Variants in UCK2 observed in about 807,000 individuals in gnomAD.
UCK2 encodes cytidine monophosphokinase 2.
In UCK2, 6 loss-of-function variants were observed where a neutral mutation model predicts 30.8. That is an observed-to-expected ratio of 0.19 (90% CI 0.11 to 0.38). The LOEUF (loss-of-function observed/expected upper bound fraction) is 0.38, where lower values mean the gene tolerates loss of function less well. UCK2 is among the 10% of genes least tolerant of loss of function. The pLI, the probability that UCK2 is intolerant of heterozygous loss-of-function variation, is 1.00. For missense variants in UCK2, 210 were observed against 339.8 expected, an observed-to-expected ratio of 0.62 and a Z score of 3.00; for synonymous variants, 125 against 133.6, an observed-to-expected ratio of 0.94 and a Z score of 0.45.
At chr1:165,835,061 T>G (rs1253526967) in intron 1 of UCK2, among the ~76,000 whole-genome samples, 6 of 152,174 alleles carry the variant, frequency 3.9e-5, no homozygotes, top group Admixed American at 1.3e-4. Context: ...TCAGCTAGCA[T>G]GCTCTGCTTT....
At chr1:165,870,524 C>T (rs1242570955) in intron 1 of UCK2, among the ~76,000 whole-genome samples, 1 of 151,902 alleles carries the variant, frequency 6.6e-6, no homozygotes, top group African/African-American at 2.4e-5. Flanking sequence ...GATACTTCTG[C>T]TCACAGGAGT....
chr1:165,873,535 T>G (rs909051768), intron 1 of UCK2, among the ~76,000 whole-genome samples: 9 of 152,234 alleles, frequency 5.9e-5, no homozygotes, highest in Non-Finnish European at 8.8e-5. Context: ...CATTTCTGTG[T>G]GATTCTTTAT....
intron 4 of UCK2, chr1:165,897,940 C>T (rs1049900216): frequency 2.6e-5 from 4 of 152,180 alleles, no homozygotes; most frequent in Admixed American, 6.5e-5. Context: ...GACACCCCGG[C>T]TTGGGTTTCT....
At chr1:165,869,360 G>A (rs1258194068) in intron 1 of UCK2, among the ~76,000 whole-genome samples, 9 of 142,484 alleles carry the variant, frequency 6.3e-5, no homozygotes, top group East Asian at 1.9e-4. Flanking sequence ...TAAAAAAAAC[G>A]TAGTATCTGT....
In UCK2 at chr1:165,909,961, A is replaced by G. The variant is rs1181090004; in HGVS notation, c.*2138A>G. ...TTTATCCCACTGCCTTGGAAGATGG[A>G]CTCCTCTCATCTCTGAGCCTTTACC... On this transcript the variant is annotated 3_prime_UTR_variant, in exon 7 of 7. Coordinates refer to ENST00000367879, the MANE Select transcript of UCK2 (RefSeq NM_012474.5). 6.6e-6 allele frequency: 1 copy of G among 151,982 alleles called. No individual in the cohort carries two copies. 9.4% of individuals were successfully genotyped at this position (151,982 alleles called of 1,614,324 possible).
At chr1:165,887,652 C>T (rs1022406453) in intron 1 of UCK2, among the ~76,000 whole-genome samples, 8 of 152,106 alleles carry the variant, frequency 5.3e-5, no homozygotes, top group Non-Finnish European at 1.2e-4. Flanking sequence ...CAGACTTTAT[C>T]TTCCTACAAC....
intron 1 of UCK2, among the ~76,000 whole-genome samples, chr1:165,852,852 T>A (rs187844035): frequency 1.4e-4 from 22 of 152,328 alleles, no homozygotes; most frequent in African/African-American, 4.8e-4. Flanking sequence ...ATGGGAAGTG[T>A]TGCCACAGCT....
intron 1 of UCK2, among the ~76,000 whole-genome samples, chr1:165,871,459 G>C (rs1372056268): frequency 6.6e-6 from 1 of 152,134 alleles, no homozygotes; most frequent in Non-Finnish European, 1.5e-5. Flanking sequence ...GGACACAGCT[G>C]CAGGTCTTTT....
intron 1 of UCK2, among the ~76,000 whole-genome samples, chr1:165,839,752 A>G (rs1006516204): frequency 6.6e-6 from 1 of 152,142 alleles, no homozygotes. Context: ...CTATTCCTAC[A>G]TCTGTGAAAA....
At chr1:165,907,382 G>A (rs1053981578) in intron 6 of UCK2, among the ~76,000 whole-genome samples, 2 of 152,122 alleles carry the variant, frequency 1.3e-5, no homozygotes, top group Non-Finnish European at 2.9e-5. Context: ...GCAGACTTTG[G>A]CCCGAGTGCT....
At chr1:165,865,159 A>G (rs1032905999) in intron 1 of UCK2, among the ~76,000 whole-genome samples, 2 of 152,244 alleles carry the variant, frequency 1.3e-5, no homozygotes, top group Non-Finnish European at 2.9e-5. Flanking sequence ...ATTGGTGACC[A>G]TGTAGTTTGT....
intron 1 of UCK2, among the ~76,000 whole-genome samples, chr1:165,829,435 C>T (rs1253220101): frequency 6.6e-6 from 1 of 152,174 alleles, no homozygotes; most frequent in Non-Finnish European, 1.5e-5. Context: ...TTGTTCATGG[C>T]TGTTTTCCCA....
At chr1:165,907,158 T>C (rs1019305374) in intron 6 of UCK2, among the ~76,000 whole-genome samples, 6 of 152,248 alleles carry the variant, frequency 3.9e-5, no homozygotes, top group African/African-American at 1.4e-4. Flanking sequence ...TTGATGTGTA[T>C]TCCATTTTTG....
intron 1 of UCK2, among the ~76,000 whole-genome samples, chr1:165,859,212 G>A (rs1654827069): frequency 6.6e-6 from 1 of 152,110 alleles, no homozygotes. Context: ...TCCCCCTGCG[G>A]AGGAGGCTGC....
In UCK2 at chr1:165,827,955, G is replaced by A. The variant is rs769786633; in HGVS notation, c.99+23G>A. Reference sequence around the variant, plus strand: ...AAGGTACGGCGGGGCCCGGAGCCGCGCTCCCTTCCCGGCTTCTGTCCCTGG... The same window carrying A: ...AAGGTACGGCGGGGCCCGGAGCCGCACTCCCTTCCCGGCTTCTGTCCCTGG... On this transcript the variant is annotated intron_variant, in intron 1 of 6. Coordinates refer to ENST00000367879, the MANE Select transcript of UCK2 (RefSeq NM_012474.5). 9.9e-6 allele frequency: 13 copies of A among 1,317,870 alleles called. No individual in the cohort carries two copies. The African/African-American group carries it at 1.4e-4, about 14-fold the overall frequency. The allele number at this position is 1,317,870 out of a possible 1,614,324, so 81.6% of individuals were successfully genotyped here.
intron 3 of UCK2, among the ~76,000 whole-genome samples, chr1:165,893,509 T>A (rs1655819780): frequency 2.0e-5 from 3 of 152,206 alleles, no homozygotes; most frequent in African/African-American, 7.2e-5. Flanking sequence ...GGGCGTTTGG[T>A]ACAAACAAAA....
At position 165,850,954 on chromosome 1, in the gene UCK2, T is replaced by TTTTA. The variant is rs60420412; in HGVS notation, c.99+23022_99+23023insTTTA. On this transcript the variant is annotated intron_variant, in intron 1 of 6. Transcript: ENST00000367879. Reference sequence around the variant, plus strand: ...TTTTTTTTTTTTTTTTTTTTTTTTTTAATAGAGAATGGGTCTCGCTATGTT... The same window carrying TTTTA: ...TTTTTTTTTTTTTTTTTTTTTTTTTTTTTAAATAGAGAATGGGTCTCGCTATGTT... Among the ~76,000 whole-genome samples the TTTTA allele has an allele frequency of 1.3e-3, 156 of 118,560 alleles. 8 individuals carry two copies. Among genetic ancestry groups the TTTTA allele is most frequent in the African/African-American group, 2.9e-3 (92 of 31,666 alleles). 77.8% of individuals were successfully genotyped at this position (118,560 alleles called of 152,430 possible).
intron 1 of UCK2, among the ~76,000 whole-genome samples, chr1:165,882,549 G>A (rs141957717): frequency 1.4e-4 from 22 of 152,316 alleles, no homozygotes; most frequent in African/African-American, 4.6e-4. Context: ...CCAGAGGCTG[G>A]GAAGTTCAAC....
intron 1 of UCK2, among the ~76,000 whole-genome samples, chr1:165,835,482 A>G (rs1302810153): frequency 6.6e-6 from 1 of 152,070 alleles, no homozygotes; most frequent in Non-Finnish European, 1.5e-5. Context: ...ACTACAGGCA[A>G]GAGCCACTGT....
Sources: gnomAD v4.1 joint callset for allele counts (sites outside exome capture counted in the v4.1 genomes callset) on GRCh38, gnomAD v4.1.1 for gene constraint, MANE v1.5 for transcripts, NCBI Gene and HGNC (gene_info 2026-07-23, HGNC 2026-07-21) for gene names.